RHOT1: variants seen among roughly 807,000 people sequenced by gnomAD.
RHOT1 encodes the protein mitochondrial Rho GTPase 1.
Under a neutral mutation model 95.3 loss-of-function variants are expected in RHOT1, and 27 were observed. The ratio of observed to expected loss-of-function variants is 0.28; its 90% CI spans 0.21 to 0.39. The LOEUF is 0.39. RHOT1 is among the 10% of genes least tolerant of loss of function. The pLI is 1.00. For missense variants in RHOT1, 578 were observed against 786.7 expected (o/e 0.73, Z 3.17); for synonymous variants, 227 against 263.5 (o/e 0.86, Z 1.34).
At chr17:32,148,283 AAG>A (rs771675222) in intron 1 of RHOT1, among the ~76,000 whole-genome samples, 46 of 152,186 alleles carry the variant, frequency 3.0e-4, no homozygotes, top group Non-Finnish European at 4.9e-4. Flanking sequence ...AAAAAAGAAA[AAG>A]AAAATTCCTT....
intron 7 of RHOT1, 91 bp downstream of exon 7, chr17:32,182,956 A>C: frequency 1.1e-6 from 1 of 879,032 alleles, no homozygotes. Context: ...GGGATGGAAT[A>C]AATTTCCTGC....
At chr17:32,216,762 A>G (rs988402712) in intron 19 of RHOT1, among the ~76,000 whole-genome samples, 1 of 152,114 alleles carries the variant, frequency 6.6e-6, no homozygotes, top group Non-Finnish European at 1.5e-5. Context: ...CTGCTTTTTC[A>G]TAGGATTGCC....
intron 1 of RHOT1, among the ~76,000 whole-genome samples, chr17:32,149,842 G>C (rs994916432): frequency 6.6e-6 from 1 of 151,626 alleles, no homozygotes; most frequent in Non-Finnish European, 1.5e-5. Flanking sequence ...TCCGCCTCCT[G>C]AGTTCAAGTG....
chr17:32,221,976 C>T (rs1475078079), intron 19 of RHOT1, among the ~76,000 whole-genome samples: 4 of 152,124 alleles, frequency 2.6e-5, no homozygotes, highest in African/African-American at 9.7e-5. Flanking sequence ...ATCTGTGAAA[C>T]AGATATCTAT....
At chr17:32,200,932 AT>A in intron 13 of RHOT1, 23 bp from the exon 14 acceptor site, 1 of 1,555,986 alleles carries the variant, frequency 6.4e-7, no homozygotes, top group Non-Finnish European at 8.8e-7. Flanking sequence ...AACTTTTCAC[AT>A]TTTAAACTCT....
chr17:32,168,335 A>G (rs1323469011), intron 1 of RHOT1, among the ~76,000 whole-genome samples: 4 of 152,072 alleles, frequency 2.6e-5, no homozygotes, highest in Non-Finnish European at 5.9e-5. Context: ...TGGTAAGATC[A>G]TGGTGCTCTG....
At chr17:32,168,243 A>G (rs1195390191) in intron 1 of RHOT1, among the ~76,000 whole-genome samples, 1 of 151,568 alleles carries the variant, frequency 6.6e-6, no homozygotes, top group Admixed American at 6.6e-5. Flanking sequence ...TATGTCATGC[A>G]CACACACACA....
chr17:32,172,470 T>C (rs1351655567), intron 2 of RHOT1, among the ~76,000 whole-genome samples: 3 of 152,248 alleles, frequency 2.0e-5, no homozygotes, highest in Admixed American at 1.3e-4. Context: ...TTTTAGGGAT[T>C]GTAAGTAATC....
intron 8 of RHOT1, among the ~76,000 whole-genome samples, chr17:32,185,560 C>T (rs1249656378): frequency 1.3e-5 from 2 of 152,060 alleles, no homozygotes; most frequent in Non-Finnish European, 2.9e-5. Context: ...CTGTGTGCCA[C>T]CATACCCAGC....
chr17:32,157,819 C>T (rs966149355), intron 1 of RHOT1, among the ~76,000 whole-genome samples: 6 of 151,554 alleles, frequency 4.0e-5, no homozygotes, highest in African/African-American at 1.5e-4. Flanking sequence ...TCCCACCCCG[C>T]CGCCCAGAAA....
intron 14 of RHOT1, 26 bp downstream of exon 14, chr17:32,201,082 C>T: frequency 7.4e-7 from 1 of 1,355,710 alleles, no homozygotes; most frequent in East Asian, 2.3e-5. Flanking sequence ...CTGTTCAGCT[C>T]ATGATTAGAG....
rs1328152715 is a variant in RHOT1 at position 32,224,679 on chromosome 17, T to A, written c.1926T>A (p.Thr642=). 9 of 1,613,748 alleles carry A rather than the reference T, an allele frequency of 5.6e-6. No individual in the cohort carries two copies. Among genetic ancestry groups the A allele is most frequent in the Non-Finnish European group, 7.6e-6 (9 of 1,179,756 alleles). Residue 642 remains threonine, a synonymous_variant, in exon 20 of 20, where the codon ACT becomes ACA. Transcript: ENST00000545287. ...GGCTTCGAGCAAGTTTTGGTGCTAC[T>A]GTTTTTGCAGTTTTGGGCTTTGCTA... The part of the protein sequence containing the change: ...TFWLRASFGA[T]VFAVLGFAMY...
chr17:32,167,816 C>T (rs1265917501), intron 1 of RHOT1, among the ~76,000 whole-genome samples: 1 of 152,152 alleles, frequency 6.6e-6, no homozygotes, highest in East Asian at 1.9e-4. Context: ...AGGAGGATTG[C>T]TTGAGGCCAG....
chr17:32,167,715 C>G (rs550277603), intron 1 of RHOT1, among the ~76,000 whole-genome samples: 7 of 152,266 alleles, frequency 4.6e-5, no homozygotes, highest in Admixed American at 2.0e-4. Context: ...CTCTAGCTAT[C>G]GATGGCATCT....
At chr17:32,206,300 G>T (rs1178727958) in intron 16 of RHOT1, among the ~76,000 whole-genome samples, 2 of 145,896 alleles carry the variant, frequency 1.4e-5, no homozygotes, top group Non-Finnish European at 3.0e-5. Flanking sequence ...CTGCTTTCCA[G>T]GCTCAAGCGA....
intron 18 of RHOT1, 135 bp from the exon 19 acceptor site, chr17:32,210,981 C>T: frequency 1.4e-6 from 1 of 707,450 alleles, no homozygotes; most frequent in Non-Finnish European, 2.2e-6. Flanking sequence ...CTTTAGCATG[C>T]CCCATACTGT....
intron 1 of RHOT1, among the ~76,000 whole-genome samples, chr17:32,147,221 T>C (rs930210005): frequency 6.6e-6 from 1 of 151,782 alleles, no homozygotes; most frequent in African/African-American, 2.4e-5. Context: ...ATTTTTGTAT[T>C]TTTAGTAGAG....
intron 2 of RHOT1, 118 bp downstream of exon 2, chr17:32,171,219 T>C (rs2034545008): frequency 1.6e-6 from 1 of 642,448 alleles, no homozygotes; most frequent in Non-Finnish European, 2.6e-6. Flanking sequence ...CAGTTGAGAC[T>C]TTTTTTTCTC....
Position 32,142,632 on chromosome 17 carries a change from C to A in RHOT1, c.-61C>A. The A allele has an allele frequency of 7.0e-7, 1 of 1,427,464 alleles. No homozygotes were observed. Among genetic ancestry groups the A allele is most frequent in the Non-Finnish European group, 9.2e-7 (1 of 1,088,776 alleles). The allele number at this position is 1,427,464 out of a possible 1,614,324, so 88.4% of individuals were successfully genotyped here. A position where few individuals can be genotyped will look rare whatever the true frequency, so the allele number is the denominator to read the frequency against. On this transcript the variant is annotated 5_prime_UTR_variant, in exon 1 of 20. Coordinates refer to ENST00000545287, the MANE Select transcript of RHOT1 (RefSeq NM_001033566.3). ...CAGGTGGCGCCGTGGGGTGGGTGCT[C>A]CTGGTGAGAGGAGTCCACTCCGTGC... is the stretch of plus-strand genomic sequence containing the variant.
Sources: gnomAD v4.1 joint callset for allele counts (sites outside exome capture counted in the v4.1 genomes callset) on GRCh38, gnomAD v4.1.1 for gene constraint, MANE v1.5 for transcripts, NCBI Gene and HGNC (gene_info 2026-07-23, HGNC 2026-07-21) for gene names.